The following NBEA variants were observed in gnomAD, a reference collection of about 807,000 sequenced individuals.
NBEA encodes the protein lysosomal-trafficking regulator 2.
In NBEA, 44 loss-of-function variants were observed where a neutral mutation model predicts 343.4. The ratio of observed to expected loss-of-function variants is 0.13; its 90% CI spans 0.10 to 0.16. NBEA has a LOEUF of 0.16. Ranked by LOEUF, NBEA falls within the 10% of genes least tolerant of loss-of-function variation. The probability of loss-of-function intolerance (pLI) is 1.00; values close to 1 mark genes in which losing one functional copy is unlikely to be tolerated. For missense variants in NBEA, 2,555 were observed against 3,631.3 expected (o/e 0.70, Z 7.62); for synonymous variants, 1,175 against 1,238.7 (o/e 0.95, Z 1.08).
chr13:35,366,239 A>T (rs370213564), intron 38 of NBEA, among the ~76,000 whole-genome samples: 1 of 151,664 alleles, frequency 6.6e-6, no homozygotes, highest in East Asian at 1.9e-4. Flanking sequence ...TGATTGTTTC[A>T]GCTTTAGGAA....
intron 1 of NBEA, among the ~76,000 whole-genome samples, chr13:35,021,961 C>T (rs1354330366): frequency 6.6e-6 from 1 of 152,034 alleles, no homozygotes. Flanking sequence ...TGTATGTTTT[C>T]TTCTGTCTGA....
chr13:35,405,628 T>C (rs1781255995), intron 38 of NBEA, among the ~76,000 whole-genome samples: 1 of 152,174 alleles, frequency 6.6e-6, no homozygotes, highest in Non-Finnish European at 1.5e-5. Context: ...GATTTTGCTG[T>C]GATAGACGTA....
At chr13:34,995,401 A>G (rs902516046) in intron 1 of NBEA, among the ~76,000 whole-genome samples, 7 of 150,388 alleles carry the variant, frequency 4.7e-5, no homozygotes, top group African/African-American at 1.7e-4. Context: ...AGCCTGGGTG[A>G]CAGAGAGAGA....
chr13:35,327,590 CATAAAGA>C, intron 36 of NBEA, among the ~76,000 whole-genome samples: 1 of 151,842 alleles, frequency 6.6e-6, no homozygotes, highest in Non-Finnish European at 1.5e-5. Flanking sequence ...TAAATGTGGA[CATAAAGA>C]TGGCAACAAT....
chr13:35,639,779 A>G (rs935876085), intron 49 of NBEA, among the ~76,000 whole-genome samples: 1 of 152,148 alleles, frequency 6.6e-6, no homozygotes, highest in Non-Finnish European at 1.5e-5. Flanking sequence ...ACCATAACCT[A>G]TAGTACTTTA....
intron 38 of NBEA, among the ~76,000 whole-genome samples, chr13:35,431,665 T>A (rs117050188): frequency 3.7e-4 from 57 of 152,290 alleles, no homozygotes; most frequent in Non-Finnish European, 5.6e-4. Context: ...TACTGGAAAT[T>A]TTTGCAGCTC....
intron 4 of NBEA, among the ~76,000 whole-genome samples, chr13:35,046,579 T>C (rs1292073493): frequency 6.6e-6 from 1 of 152,088 alleles, no homozygotes; most frequent in African/African-American, 2.4e-5. Flanking sequence ...CATACTATGG[T>C]TTTTTCCTCT....
At chr13:35,524,300 T>A (rs2077864416) in intron 41 of NBEA, among the ~76,000 whole-genome samples, 1 of 152,220 alleles carries the variant, frequency 6.6e-6, no homozygotes, top group Non-Finnish European at 1.5e-5. Flanking sequence ...AGTCAAATCT[T>A]TTGGTTAAGT....
intron 25 of NBEA, 84 bp from the exon 26 acceptor site, chr13:35,171,188 T>G (rs2070437425): frequency 1.0e-6 from 1 of 993,634 alleles, no homozygotes; most frequent in Admixed American, 1.9e-5. Flanking sequence ...TAAATTTATG[T>G]TCACTTGTAG....
chr13:35,259,408 G>GTGAGCAGC (rs1233675388), intron 34 of NBEA, among the ~76,000 whole-genome samples: 1 of 152,104 alleles, frequency 6.6e-6, no homozygotes, highest in Non-Finnish European at 1.5e-5. Context: ...CTAACTAGCA[G>GTGAGCAGC]TGAGCAGCTG....
At chr13:35,500,114 T>G (rs1346056804) in intron 41 of NBEA, among the ~76,000 whole-genome samples, 1 of 152,116 alleles carries the variant, frequency 6.6e-6, no homozygotes, top group Admixed American at 6.6e-5. Context: ...ATTGATTAGA[T>G]TTTTAACTTA....
intron 33 of NBEA, among the ~76,000 whole-genome samples, chr13:35,230,554 C>T (rs1157063558): frequency 6.6e-6 from 1 of 152,072 alleles, no homozygotes; most frequent in Non-Finnish European, 1.5e-5. Flanking sequence ...AATAAACTCA[C>T]TCTTACCATT....
chr13:35,468,132 G>GCCCCA (rs1566176841), intron 40 of NBEA, among the ~76,000 whole-genome samples: 6 of 103,028 alleles, frequency 5.8e-5, no homozygotes, highest in Non-Finnish European at 1.1e-4. Flanking sequence ...CCCCTCCCCT[G>GCCCCA]AAAATGATTA....
chr13:35,066,939 ATTTCT>A (rs2063674556), intron 8 of NBEA, among the ~76,000 whole-genome samples: 1 of 151,896 alleles, frequency 6.6e-6, no homozygotes, highest in Non-Finnish European at 1.5e-5. Context: ...CTTAAAAAAC[ATTTCT>A]TTAGTGATTG....
chr13:34,988,121 T>G (rs1472095151), intron 1 of NBEA, among the ~76,000 whole-genome samples: 1 of 151,026 alleles, frequency 6.6e-6, no homozygotes, highest in Middle Eastern at 3.4e-3. Context: ...TTTCTGCAAA[T>G]ATTGCAGAAC....
chr13:35,667,110 T>C (rs2085390203), intron 56 of NBEA, among the ~76,000 whole-genome samples: 1 of 152,244 alleles, frequency 6.6e-6, no homozygotes, highest in Non-Finnish European at 1.5e-5. Flanking sequence ...TGTACCATTT[T>C]ACTATGAATA....
At chr13:35,581,154 G>T (rs1023925695) in intron 45 of NBEA, among the ~76,000 whole-genome samples, 33 of 152,110 alleles carry the variant, frequency 2.2e-4, no homozygotes, top group Admixed American at 4.6e-4. Context: ...GGATGGCTGG[G>T]TCAAATGGTA....
At chr13:35,450,802 T>A (rs1013587336) in intron 39 of NBEA, among the ~76,000 whole-genome samples, 8 of 152,228 alleles carry the variant, frequency 5.3e-5, no homozygotes, top group African/African-American at 1.9e-4. Flanking sequence ...ACACAGTATA[T>A]GACAATGCTT....
At chr13:34,957,349 A>G (rs2059530947) in intron 1 of NBEA, among the ~76,000 whole-genome samples, 1 of 152,230 alleles carries the variant, frequency 6.6e-6, no homozygotes, top group Non-Finnish European at 1.5e-5. Flanking sequence ...AGGCCAAGCC[A>G]GAATTCTGGC....
Sources: allele counts gnomAD v4.1 joint callset (sites outside exome capture counted in the v4.1 genomes callset), GRCh38; gene constraint gnomAD v4.1.1; transcripts MANE v1.5; gene names NCBI Gene and HGNC (gene_info 2026-07-23, HGNC 2026-07-21).